NCOA5: variants seen among roughly 807,000 people sequenced by gnomAD.
NCOA5 encodes the protein NCoA-5.
Under a neutral mutation model 59.0 loss-of-function variants are expected in NCOA5, and 12 were observed. The observed-to-expected ratio is 0.20, with a 90% CI of 0.13 to 0.33. The LOEUF (loss-of-function observed/expected upper bound fraction) is 0.33, where lower values mean the gene tolerates loss of function less well. Among genes scored for constraint, NCOA5 ranks in the 10% least tolerant of loss-of-function variants. NCOA5 has a pLI of 1.00. For synonymous variants in NCOA5, 270 were observed against 275.5 expected (o/e 0.98, Z 0.20); for missense variants, 655 against 766.6 (o/e 0.85, Z 1.72).
chr20:46,061,467 C>G lies in NCOA5; in HGVS notation c.*833G>C, dbSNP rs2084761636. ...GGGGTTTTGAGCCAAAAGCCCAAAA[C>G]AAATCACTGAAGAAACGGGTGTTCA... On this transcript the variant is annotated 3_prime_UTR_variant, in exon 8 of 8. Coordinates refer to ENST00000290231, the MANE Select transcript of NCOA5 (RefSeq NM_020967.3). The G allele has an allele frequency of 6.6e-6, 1 of 152,564 alleles. No individual in the cohort carries two copies. Among genetic ancestry groups the G allele is most frequent in the Non-Finnish European group, 1.5e-5 (1 of 68,048 alleles). 9.5% of individuals were successfully genotyped at this position (152,564 alleles called of 1,614,324 possible).
chr20:46,080,038 T>C (rs2084975478), intron 1 of NCOA5, among the ~76,000 whole-genome samples: 1 of 152,096 alleles, frequency 6.6e-6, no homozygotes, highest in Admixed American at 6.5e-5. Flanking sequence ...TTATTTTTAA[T>C]AAACAAAGAA....
At position 46,062,864 on chromosome 20, in the gene NCOA5, C is replaced by A; in HGVS notation, c.1176G>T (p.Gly392=). 1 of 1,518,956 alleles carries A rather than the reference C, an allele frequency of 6.6e-7. No individual in the cohort carries two copies. Among genetic ancestry groups the A allele is most frequent in the Non-Finnish European group, 8.8e-7 (1 of 1,134,708 alleles). The allele number at this position is 1,518,956 out of a possible 1,614,324, so 94.1% of individuals were successfully genotyped here. A position where few individuals can be genotyped will look rare whatever the true frequency, so the allele number is the denominator to read the frequency against. The change falls in exon 8 of 8, where the codon GGG becomes GGT. Residue 392 remains glycine (G), a synonymous_variant. Coordinates refer to ENST00000290231, the MANE Select transcript of NCOA5 (RefSeq NM_020967.3). ...LPGPISRQPL[G]ATSGASLKTQ... Reference sequence around the variant, plus strand: ...TCTTCAGCGAGGCACCCGAGGTCGCCCCGAGTGGTTGGCGGGAAATCGGGC... The same window carrying A: ...TCTTCAGCGAGGCACCCGAGGTCGCACCGAGTGGTTGGCGGGAAATCGGGC...
At chr20:46,088,993 GAAA>G (rs1209011000) in intron 1 of NCOA5, among the ~76,000 whole-genome samples, 1 of 152,088 alleles carries the variant, frequency 6.6e-6, no homozygotes, top group Non-Finnish European at 1.5e-5. Flanking sequence ...TATTTAAGGA[GAAA>G]AAAAGAGTCA....
intron 3 of NCOA5, 91 bp downstream of exon 3, chr20:46,070,119 A>G: frequency 9.8e-7 from 1 of 1,020,310 alleles, no homozygotes; most frequent in Non-Finnish European, 1.4e-6. Context: ...AGGCTGATAA[A>G]ATGACTGCTC....
intron 1 of NCOA5, among the ~76,000 whole-genome samples, chr20:46,088,793 C>A (rs2085069450): frequency 6.6e-6 from 1 of 152,172 alleles, no homozygotes; most frequent in African/African-American, 2.4e-5. Flanking sequence ...AGAGTGCAAG[C>A]CAGAAGAACC....
intron 5 of NCOA5, among the ~76,000 whole-genome samples, chr20:46,065,673 C>A (rs1472894795): frequency 6.6e-6 from 1 of 152,152 alleles, no homozygotes; most frequent in African/African-American, 2.4e-5. Context: ...ACATCAGTTT[C>A]TTTACTAATA....
Position 46,082,336 on chromosome 20 carries a change from G to T in NCOA5, c.-29-2883C>A, listed in dbSNP as rs533101561. 2.0e-5 allele frequency among the ~76,000 whole-genome samples: 3 copies of T among 152,126 alleles called. No homozygotes were observed. In the South Asian group the frequency reaches 6.2e-4, roughly 32 times the overall value. ...AGATATAATCAACACCAAGCAAATAGAAATGGTGTTAATGTAAAGAAGGGA... is the reference window on the plus strand; with the variant it reads ...AGATATAATCAACACCAAGCAAATATAAATGGTGTTAATGTAAAGAAGGGA... On this transcript the variant is annotated intron_variant, in intron 1 of 7. Coordinates refer to ENST00000290231, the MANE Select transcript of NCOA5 (RefSeq NM_020967.3).
intron 2 of NCOA5, among the ~76,000 whole-genome samples, chr20:46,075,662 G>T (rs1849211710): frequency 6.6e-6 from 1 of 152,216 alleles, no homozygotes. Context: ...TCTGCATAAA[G>T]ATATGCTACA....
chr20:46,063,695 G>A lies in NCOA5; in HGVS notation c.830-15C>T. ...GTTGCGATGCTCTGTAGGAGGAAAT[G>A]ACATGAGTTATTTTCTTCCATGACA... On this transcript the variant is annotated splice_polypyrimidine_tract_variant and intron_variant, in intron 6 of 7. Coordinates refer to ENST00000290231, the MANE Select transcript of NCOA5 (RefSeq NM_020967.3). 6.2e-7 allele frequency: 1 copy of A among 1,606,340 alleles called. No individual in the cohort carries two copies. The highest frequency in any genetic ancestry group is 8.5e-7 in the Non-Finnish European group (1 of 1,175,306).
At chr20:46,067,985 C>T (rs931030398) in intron 4 of NCOA5, among the ~76,000 whole-genome samples, 6 of 151,726 alleles carry the variant, frequency 4.0e-5, no homozygotes, top group African/African-American at 1.5e-4. Context: ...GGCTGGAGTG[C>T]AGTGGCACAA....
At chr20:46,065,277 T>C (rs746450381) in intron 5 of NCOA5, 49 bp from the exon 6 acceptor site, 8 of 1,580,324 alleles carry the variant, frequency 5.1e-6, no homozygotes, top group Middle Eastern at 3.4e-4. Context: ...CAAATCTGCA[T>C]CGTGTGTCTC....
chr20:46,082,116 C>T (rs2084998112), intron 1 of NCOA5, among the ~76,000 whole-genome samples: 1 of 151,928 alleles, frequency 6.6e-6, no homozygotes, highest in African/African-American at 2.4e-5. Flanking sequence ...ATTGAGAATG[C>T]TAAAGCACCA....
intron 1 of NCOA5, among the ~76,000 whole-genome samples, chr20:46,086,805 A>AAGAGTAGT (rs2085050090): frequency 6.6e-6 from 1 of 152,234 alleles, no homozygotes; most frequent in Non-Finnish European, 1.5e-5. Context: ...GTTCTGAGGA[A>AAGAGTAGT]CACTATTACT....
chr20:46,075,847 T>C (rs1463498190), intron 2 of NCOA5, among the ~76,000 whole-genome samples: 1 of 152,224 alleles, frequency 6.6e-6, no homozygotes, highest in Non-Finnish European at 1.5e-5. Context: ...CCTCAAGAGT[T>C]AGATGATAAG....
intron 4 of NCOA5, 79 bp downstream of exon 4, chr20:46,068,423 G>C: frequency 1.4e-6 from 2 of 1,462,344 alleles, no homozygotes; most frequent in Non-Finnish European, 1.8e-6. Context: ...TTTCAGATGG[G>C]GGTACTGGTT....
chr20:46,084,856 C>A (rs1294448934), intron 1 of NCOA5, among the ~76,000 whole-genome samples: 1 of 152,120 alleles, frequency 6.6e-6, no homozygotes, highest in East Asian at 1.9e-4. Flanking sequence ...TTAAAACTGG[C>A]AAATTTTCAA....
At chr20:46,064,013 C>T (rs1446339395) in intron 6 of NCOA5, among the ~76,000 whole-genome samples, 1 of 152,170 alleles carries the variant, frequency 6.6e-6, no homozygotes, top group African/African-American at 2.4e-5. Context: ...GGAGGCAGGC[C>T]CAACAGCCTC....
Position 46,070,265 on chromosome 20 carries a change from C to T in NCOA5, c.310G>A (p.Asp104Asn), listed in dbSNP as rs773267850. Residue 104 changes from aspartate to asparagine, a missense_variant, in exon 3 of 8, where the codon GAC becomes AAC. Coordinates refer to ENST00000290231, the MANE Select transcript of NCOA5 (RefSeq NM_020967.3). Reference protein sequence around the residue: ...RDSRDFRDQRDPMYDRYRDMR... With the variant: ...RDSRDFRDQRNPMYDRYRDMR... Reference sequence around the variant, plus strand: ...TCTCTGTATCTGTCGTACATGGGGTCTCGCTGATCTCGAAAATCCCTAGAG... The same window carrying T: ...TCTCTGTATCTGTCGTACATGGGGTTTCGCTGATCTCGAAAATCCCTAGAG... 1 of 1,613,976 alleles carries T rather than the reference C, an allele frequency of 6.2e-7. No homozygotes were observed.
intron 1 of NCOA5, among the ~76,000 whole-genome samples, chr20:46,085,936 A>G (rs1462336769): frequency 6.6e-6 from 1 of 152,220 alleles, no homozygotes. Context: ...ACATTCTTCA[A>G]AGACCATTGG....
Sources: gnomAD v4.1 joint callset for allele counts (sites outside exome capture counted in the v4.1 genomes callset) on GRCh38, gnomAD v4.1.1 for gene constraint, MANE v1.5 for transcripts, NCBI Gene and HGNC (gene_info 2026-07-23, HGNC 2026-07-21) for gene names.